The following SPTA1 variants were observed in gnomAD, a reference collection of about 807,000 sequenced individuals.
The protein encoded by SPTA1 is spectrin alpha, erythrocytic 1.
SPTA1 carries 177 observed loss-of-function variants against 324.7 expected under a neutral mutation model. That is an observed-to-expected ratio of 0.55 (90% CI 0.48 to 0.62). SPTA1 has a LOEUF of 0.62. Among genes scored for constraint, SPTA1 ranks in the 20% least tolerant of loss-of-function variants. The pLI is 0.00. For missense variants in SPTA1, 3,162 were observed against 2,883.6 expected (o/e 1.10, Z -2.21); for synonymous variants, 1,195 against 1,041.3 (o/e 1.15, Z -2.84).
rs2101754222 is a variant in SPTA1 at position 158,617,552 on chromosome 1, C to T, written c.6585G>A (p.Gln2195=). The T allele has an allele frequency of 6.2e-7, 1 of 1,613,510 alleles. No individual in the cohort carries two copies. Among genetic ancestry groups the T allele is most frequent in the Non-Finnish European group, 8.5e-7 (1 of 1,179,546 alleles). Residue 2195 remains glutamine, a synonymous_variant, in exon 47 of 52, where the codon CAG becomes CAA. Coordinates refer to ENST00000643759, the MANE Select transcript of SPTA1 (RefSeq NM_003126.4). ...LLKETGTLES[Q]LEANKRKQKE... ...CAATACTTACTTTATTTGCTTCCAG[C>T]TGAGATTCCAGAGTTCCTGTTTCTT...
In SPTA1 at chr1:158,615,076, C is replaced by T. The variant is rs78702711; in HGVS notation, c.6788+140G>A. 2.3e-3 allele frequency: 1,986 copies of T among 858,750 alleles called. 25 individuals carry two copies. In the African/African-American group the frequency reaches 0.03, roughly 13 times the overall value. The allele number at this position is 858,750 out of a possible 1,614,324, so 53.2% of individuals were successfully genotyped here. On this transcript the variant is annotated intron_variant, in intron 48 of 51. Coordinates refer to ENST00000643759, the MANE Select transcript of SPTA1 (RefSeq NM_003126.4). ...TCAGTATAAAGAGAAATAGTCATTC[C>T]GTGGGGCAGTAAAGACCCAGAATAT... is the stretch of plus-strand genomic sequence containing the variant.
chr1:158,655,006 G>A (rs1016263403), intron 20 of SPTA1, among the ~76,000 whole-genome samples: 3 of 152,150 alleles, frequency 2.0e-5, no homozygotes, highest in Non-Finnish European at 4.4e-5. Context: ...CGTATTAAAT[G>A]CTCTAAGCCA....
chr1:158,644,116 G>T (rs188169933), intron 30 of SPTA1, 137 bp downstream of exon 30: 84 of 1,179,574 alleles, frequency 7.1e-5, no homozygotes, highest in Non-Finnish European at 9.4e-5. Context: ...CAGCCTGGGT[G>T]ACAGAATGAG....
Position 158,619,312 on chromosome 1 carries a change from T to G in SPTA1, c.6440A>C (p.Lys2147Thr). ...GTTCTTGACCTGTCTTGCCTCTTCC[T>G]TTTGCAGCTCCTGCTCCCGTTCCTA... Reference protein sequence around the residue: ...IIEEREQELQKEEARQVKNFE... With the variant: ...IIEEREQELQTEEARQVKNFE... Residue 2147 changes from lysine to threonine, a missense_variant, in exon 45 of 52, where the codon AAG (lysine) becomes ACG (threonine). By Grantham distance (78) the Lys-to-Thr change is moderately conservative. Transcript: ENST00000643759. 6.2e-7 allele frequency: 1 copy of G among 1,614,128 alleles called. No individual in the cohort carries two copies. Among genetic ancestry groups the G allele is most frequent in the Non-Finnish European group, 8.5e-7 (1 of 1,179,976 alleles).
Position 158,667,927 on chromosome 1 carries a change from T to A in SPTA1, c.1969A>T (p.Asn657Tyr). Residue 657 changes from asparagine to tyrosine, a missense_variant, in exon 15 of 52, where the codon AAT (asparagine) becomes TAT (tyrosine). By Grantham distance (143) the Asn-to-Tyr change is moderately radical. Coordinates refer to ENST00000643759, the MANE Select transcript of SPTA1 (RefSeq NM_003126.4). ...MIEGGHYASD[N>Y]VTTRLSEVAS... The stretch of plus-strand genomic sequence containing the variant: ...ACTTCACTCAGACGAGTGGTCACAT[T>A]GTCAGAGGCATAGTGACCACCCTCA... 1 of 1,614,002 alleles carries A rather than the reference T, an allele frequency of 6.2e-7. No homozygotes were observed. Among genetic ancestry groups the A allele is most frequent in the Non-Finnish European group, 8.5e-7 (1 of 1,179,976 alleles).
At chr1:158,660,176 A>G (rs1571476738) in intron 18 of SPTA1, among the ~76,000 whole-genome samples, 1 of 152,210 alleles carries the variant, frequency 6.6e-6, no homozygotes, top group East Asian at 1.9e-4. Context: ...AATAAACCAT[A>G]TTGATGATTG....
At chr1:158,643,125 G>T in intron 31 of SPTA1, 149 bp from the exon 32 acceptor site, 10 of 1,300,024 alleles carry the variant, frequency 7.7e-6, no homozygotes, top group Non-Finnish European at 1.1e-5. Context: ...GCTAAAGCCA[G>T]TTAATTTCTA....
intron 17 of SPTA1, among the ~76,000 whole-genome samples, chr1:158,661,982 C>G (rs1420893317): frequency 6.6e-6 from 1 of 152,214 alleles, no homozygotes; most frequent in Non-Finnish European, 1.5e-5. Flanking sequence ...ATCCTGCTGT[C>G]TGCTTTATCC....
intron 11 of SPTA1, 23 bp downstream of exon 11, chr1:158,672,036 A>G: frequency 6.2e-7 from 1 of 1,613,410 alleles, no homozygotes; most frequent in Non-Finnish European, 8.5e-7. Context: ...ACTTCTAGAG[A>G]TGGTATGGAC....
At chr1:158,620,857 A>G (rs1649863966) in intron 43 of SPTA1, 1 of 177,628 alleles carries the variant, frequency 5.6e-6, no homozygotes. Context: ...AAAAAAAAAA[A>G]AAAAGCATTG....
At chr1:158,669,277 T>C in intron 14 of SPTA1, 131 bp downstream of exon 14, 2 of 1,284,926 alleles carry the variant, frequency 1.6e-6, no homozygotes, top group East Asian at 4.6e-5. Flanking sequence ...TGCCCTTTTC[T>C]GAGCCTCTGT....
At chr1:158,617,931 A>G (rs1649659559) in intron 46 of SPTA1, 108 bp downstream of exon 46, 12 of 1,066,020 alleles carry the variant, frequency 1.1e-5, no homozygotes, top group Non-Finnish European at 1.4e-5. Context: ...TTATTTACAT[A>G]CTACCAGATT....
At chr1:158,670,508 GA>G (rs1387065132) in intron 12 of SPTA1, among the ~76,000 whole-genome samples, 3 of 152,182 alleles carry the variant, frequency 2.0e-5, no homozygotes, top group Non-Finnish European at 4.4e-5. Flanking sequence ...GATTAACAGA[GA>G]AGACTAGGAA....
At chr1:158,677,856 C>G (rs1557990788) in intron 6 of SPTA1, 22 bp from the exon 7 acceptor site, 1 of 1,613,286 alleles carries the variant, frequency 6.2e-7, no homozygotes, top group Non-Finnish European at 8.5e-7. Context: ...AACAAGAGCT[C>G]CAACCAAAGA....
intron 3 of SPTA1, 110 bp from the exon 4 acceptor site, chr1:158,681,777 A>C: frequency 1.5e-6 from 2 of 1,375,576 alleles, no homozygotes; most frequent in Non-Finnish European, 2.0e-6. Context: ...TCAGTTACTC[A>C]TGCATTAGTT....
At chr1:158,618,189 A>G (rs1199554147) in intron 45 of SPTA1, 133 bp from the exon 46 acceptor site, 1 of 969,344 alleles carries the variant, frequency 1.0e-6, no homozygotes, top group African/African-American at 1.6e-5. Context: ...CAAAACATGA[A>G]TCTGTCCACC....
intron 39 of SPTA1, among the ~76,000 whole-genome samples, chr1:158,632,310 AG>A (rs1650734628): frequency 6.6e-6 from 1 of 152,168 alleles, no homozygotes; most frequent in Non-Finnish European, 1.5e-5. Context: ...ACTAACCATA[AG>A]GCATAAATTA....
chr1:158,628,968 T>C (rs1174719461), intron 39 of SPTA1, among the ~76,000 whole-genome samples: 1 of 152,040 alleles, frequency 6.6e-6, no homozygotes, highest in African/African-American at 2.4e-5. Flanking sequence ...CAAGACCAGA[T>C]GGCTTCACTG....
At chr1:158,669,387 G>A (rs1653837764) in intron 14 of SPTA1, 21 bp downstream of exon 14, 1 of 1,613,814 alleles carries the variant, frequency 6.2e-7, no homozygotes, top group African/African-American at 1.3e-5. Flanking sequence ...ACTACATCCA[G>A]CTCCTGAAAA....
Sources: allele counts gnomAD v4.1 joint callset (sites outside exome capture counted in the v4.1 genomes callset), GRCh38; gene constraint gnomAD v4.1.1; transcripts MANE v1.5; gene names NCBI Gene and HGNC (gene_info 2026-07-23, HGNC 2026-07-21).